STARD13: variants seen among roughly 807,000 people sequenced by gnomAD.
STARD13 encodes the protein StAR related lipid transfer domain containing 13.
Under a neutral mutation model 106.4 loss-of-function variants are expected in STARD13, and 62 were observed. The ratio of observed to expected loss-of-function variants is 0.58; its 90% CI spans 0.48 to 0.72. The LOEUF is 0.72. Among genes scored for constraint, STARD13 ranks in the 30% least tolerant of loss-of-function variants. The pLI, the probability that STARD13 is intolerant of heterozygous loss-of-function variation, is 0.00. For synonymous variants in STARD13, 565 were observed against 553.0 expected (o/e 1.02, Z -0.31); for missense variants, 1,387 against 1,424.0 (o/e 0.97, Z 0.42).
At chr13:33,564,105 C>CTT in the STARD13 span, among the ~76,000 whole-genome samples, 1 of 142,818 alleles carries the variant, frequency 7.0e-6, no homozygotes, top group African/African-American at 2.6e-5. Flanking sequence ...GCAGAAGAAT[C>CTT]ACTTGAACCC....
the STARD13 span, among the ~76,000 whole-genome samples, chr13:33,542,622 C>T: frequency 6.6e-6 from 1 of 152,348 alleles, no homozygotes; most frequent in East Asian, 1.9e-4. Context: ...TGGCGCCGCC[C>T]CGGGTTTCCG....
chr13:33,369,635 G>A, the STARD13 span, among the ~76,000 whole-genome samples: 1 of 152,026 alleles, frequency 6.6e-6, no homozygotes, highest in Non-Finnish European at 1.5e-5. Context: ...CTTGTACAAA[G>A]GATCTGAAAG....
At chr13:33,353,834 G>T (rs2078102259), upstream of STARD13, among the ~76,000 whole-genome samples, 1 of 152,000 alleles carries the variant, frequency 6.6e-6, no homozygotes. Context: ...GTGTTTGTTT[G>T]TTTGTGGTTG....
the STARD13 span, among the ~76,000 whole-genome samples, chr13:33,538,115 C>T: frequency 5.3e-4 from 80 of 151,758 alleles, no homozygotes; most frequent in South Asian, 1.2e-3. Flanking sequence ...TCTCAGATTA[C>T]GAGGATTTAA....
chr13:33,407,112 T>G, the STARD13 span, among the ~76,000 whole-genome samples: 1 of 152,212 alleles, frequency 6.6e-6, no homozygotes, highest in Non-Finnish European at 1.5e-5. Flanking sequence ...TTAGCCAGTT[T>G]AACCCACGGT....
At chr13:33,124,045 G>T (rs1337919754) in intron 7 of STARD13, among the ~76,000 whole-genome samples, 1 of 152,180 alleles carries the variant, frequency 6.6e-6, no homozygotes, top group Non-Finnish European at 1.5e-5. Context: ...ACATTCGTTT[G>T]GTGTTGCTCT....
At chr13:33,353,124 A>G (rs936199899), upstream of STARD13, among the ~76,000 whole-genome samples, 2 of 151,702 alleles carry the variant, frequency 1.3e-5, no homozygotes, top group Non-Finnish European at 2.9e-5. Context: ...CATACCCTCA[A>G]TCTCTGCCTC....
the STARD13 span, among the ~76,000 whole-genome samples, chr13:33,647,383 A>G: frequency 3.3e-5 from 5 of 152,222 alleles, no homozygotes; most frequent in African/African-American, 4.8e-5. Flanking sequence ...AGGGCTAAGA[A>G]AACAGCTTCC....
chr13:33,105,925 T>G (rs572322771), intron 13 of STARD13, among the ~76,000 whole-genome samples: 21 of 152,338 alleles, frequency 1.4e-4, no homozygotes, highest in Admixed American at 2.0e-4. Flanking sequence ...TGAGTACTCA[T>G]CAGGTGCTTT....
intron 1 of STARD13, among the ~76,000 whole-genome samples, chr13:33,198,953 C>T (rs966395083): frequency 6.6e-6 from 1 of 152,216 alleles, no homozygotes; most frequent in African/African-American, 2.4e-5. Flanking sequence ...GTTCTAGCCC[C>T]CATCTCCTTT....
At chr13:33,636,611 T>G in the STARD13 span, among the ~76,000 whole-genome samples, 1 of 152,248 alleles carries the variant, frequency 6.6e-6, no homozygotes, top group Non-Finnish European at 1.5e-5. Flanking sequence ...GCTAAGGTGA[T>G]AATTTTCTCA....
the STARD13 span, among the ~76,000 whole-genome samples, chr13:33,372,099 G>T: frequency 6.6e-6 from 1 of 152,200 alleles, no homozygotes. Flanking sequence ...TAGTGAATGA[G>T]TCTACAAAAG....
At chr13:33,622,354 T>A in the STARD13 span, among the ~76,000 whole-genome samples, 3 of 152,002 alleles carry the variant, frequency 2.0e-5, no homozygotes, top group African/African-American at 7.2e-5. Flanking sequence ...AATAATAAGT[T>A]GACCAAATGG....
intron 1 of STARD13, among the ~76,000 whole-genome samples, chr13:33,324,397 A>G (rs1893666479): frequency 2.6e-5 from 4 of 152,178 alleles, no homozygotes; most frequent in Admixed American, 6.5e-5. Context: ...GCTGATACTG[A>G]ACTTAGAAAC....
At chr13:33,507,940 G>A in the STARD13 span, among the ~76,000 whole-genome samples, 12 of 152,224 alleles carry the variant, frequency 7.9e-5, no homozygotes, top group East Asian at 5.8e-4. Context: ...TGGTCTTGCC[G>A]TCTCAGGGGT....
chr13:33,111,669 A>G, intron 10 of STARD13, 109 bp downstream of exon 10: 1 of 709,080 alleles, frequency 1.4e-6, no homozygotes. Context: ...TACTATTGTC[A>G]TAAAATCAGG....
the STARD13 span, among the ~76,000 whole-genome samples, chr13:33,651,246 C>T: frequency 6.6e-6 from 1 of 152,156 alleles, no homozygotes; most frequent in African/African-American, 2.4e-5. Context: ...ACTTTTAATT[C>T]CCACAGGTAT....
At chr13:33,296,764 G>C (rs1454158985) in intron 1 of STARD13, among the ~76,000 whole-genome samples, 1 of 151,736 alleles carries the variant, frequency 6.6e-6, no homozygotes, top group Non-Finnish European at 1.5e-5. Flanking sequence ...GATTACAGGG[G>C]CCCCCCACCA....
At chr13:33,270,003 AGGTGGGTGGAT>A (rs1891081352) in intron 1 of STARD13, among the ~76,000 whole-genome samples, 1 of 152,208 alleles carries the variant, frequency 6.6e-6, no homozygotes, top group Non-Finnish European at 1.5e-5. Context: ...TGGGAGGCCG[AGGTGGGTGGAT>A]CATCTAAGGT....
Sources: allele counts gnomAD v4.1 joint callset (sites outside exome capture counted in the v4.1 genomes callset), GRCh38; gene constraint gnomAD v4.1.1; transcripts MANE v1.5; gene names NCBI Gene and HGNC (gene_info 2026-07-23, HGNC 2026-07-21).